Variants in WWOX observed in about 807,000 individuals in gnomAD.
The protein encoded by WWOX is WW domain containing oxidoreductase, also known as WW domain-containing oxidoreductase.
Under a neutral mutation model 46.2 loss-of-function variants are expected in WWOX, and 69 were observed. The observed-to-expected ratio is 1.49, with a 90% CI of 1.23 to 1.82. The LOEUF is 1.82. Among genes scored for constraint, WWOX ranks in the 40% most tolerant of loss-of-function variants. WWOX has a pLI of 0.00. For missense variants in WWOX, 919 were observed against 542.6 expected, an observed-to-expected ratio of 1.69 and a Z score of -6.89; for synonymous variants, 359 against 202.6, an observed-to-expected ratio of 1.77 and a Z score of -6.56.
chr16:78,461,510 A>G (rs2083948590), intron 8 of WWOX, among the ~76,000 whole-genome samples: 1 of 152,250 alleles, frequency 6.6e-6, no homozygotes, highest in South Asian at 2.1e-4. Context: ...TATGAAAGAA[A>G]TAAAGGCAAG....
chr16:78,527,756 C>A (rs2043512024), intron 8 of WWOX, among the ~76,000 whole-genome samples: 1 of 78,452 alleles, frequency 1.3e-5, no homozygotes, highest in Non-Finnish European at 3.0e-5. Context: ...ATATTGCCTG[C>A]CAGGGAATGC....
At chr16:78,586,000 C>G (rs149979253) in intron 8 of WWOX, among the ~76,000 whole-genome samples, 1 of 151,908 alleles carries the variant, frequency 6.6e-6, no homozygotes, top group African/African-American at 2.4e-5. Context: ...AGGTTAGAGA[C>G]CAGCCTGGGC....
At position 78,988,518 on chromosome 16, in the gene WWOX, G is replaced by A. The variant is rs575870541; in HGVS notation, c.1057-223090G>A. On this transcript the variant is annotated intron_variant, in intron 8 of 8. Coordinates refer to ENST00000566780, the MANE Select transcript of WWOX (RefSeq NM_016373.4). ...CTGTAACCTTTGGTTGAGGAATTCA[G>A]CCTACCACTGGTAATACTCCCTCTC... Among the ~76,000 whole-genome samples, 32 of 152,154 alleles carry A rather than the reference G, an allele frequency of 2.1e-4. No homozygotes were observed. The East Asian group carries it at 5.0e-3, about 24-fold the overall frequency.
Position 78,548,995 on chromosome 16 carries a change from A to G in WWOX, c.1056+116243A>G, listed in dbSNP as rs576350122. 2.6e-5 allele frequency among the ~76,000 whole-genome samples: 4 copies of G among 152,354 alleles called. No homozygotes were observed. In the East Asian group the frequency reaches 7.7e-4, roughly 29 times the overall value. On this transcript the variant is annotated intron_variant, in intron 8 of 8. Coordinates refer to ENST00000566780, the MANE Select transcript of WWOX (RefSeq NM_016373.4). ...CAACAGATGGATGGGTTGGTGTAATATAATTCATGCTTTTAAACATCATAC... is the reference window on the plus strand; with the variant it reads ...CAACAGATGGATGGGTTGGTGTAATGTAATTCATGCTTTTAAACATCATAC...
chr16:78,432,647 G>A lies in WWOX; in HGVS notation c.951G>A (p.Thr317=), dbSNP rs759801417. 42 of 1,614,114 alleles carry A rather than the reference G, an allele frequency of 2.6e-5. No homozygotes were observed. The highest frequency in any genetic ancestry group is 2.1e-4 in the African/African-American group (16 of 74,930). Residue 317 remains threonine (T), a synonymous_variant, in exon 8 of 9, where the codon ACG becomes ACA. Coordinates refer to ENST00000566780, the MANE Select transcript of WWOX (RefSeq NM_016373.4). The stretch of plus-strand genomic sequence containing the variant: ...GTCGCCTCTCCCCACGCGGGGTCAC[G>A]TCGAACGCAGTGCATCCTGGAAATA... The part of the protein sequence containing the change: ...LHRRLSPRGV[T]SNAVHPGNMM...
At chr16:78,874,097 T>TAA (rs113474946) in intron 8 of WWOX, among the ~76,000 whole-genome samples, 6 of 148,750 alleles carry the variant, frequency 4.0e-5, no homozygotes, top group East Asian at 4.0e-4. Context: ...TAAAATTATT[T>TAA]AAAAAAAAAA....
intron 8 of WWOX, among the ~76,000 whole-genome samples, chr16:78,784,190 C>T (rs1344461251): frequency 6.6e-6 from 1 of 152,146 alleles, no homozygotes; most frequent in African/African-American, 2.4e-5. Flanking sequence ...GCACATCATT[C>T]AATCACTCAA....
intron 8 of WWOX, among the ~76,000 whole-genome samples, chr16:78,466,186 C>T (rs1484964092): frequency 6.6e-6 from 1 of 152,100 alleles, no homozygotes; most frequent in Non-Finnish European, 1.5e-5. Flanking sequence ...TGCCCGCCAC[C>T]ATGCTTGGCT....
chr16:78,994,885 G>C (rs2046956259), intron 8 of WWOX, among the ~76,000 whole-genome samples: 2 of 151,410 alleles, frequency 1.3e-5, no homozygotes, highest in African/African-American at 4.9e-5. Context: ...GAAAAAGGTG[G>C]AAAGAAATAC....
intron 5 of WWOX, among the ~76,000 whole-genome samples, chr16:78,223,889 T>C (rs1347371067): frequency 6.6e-6 from 1 of 152,224 alleles, no homozygotes; most frequent in Non-Finnish European, 1.5e-5. Flanking sequence ...GGGGAAGTTG[T>C]CATTATTCCT....
intron 8 of WWOX, among the ~76,000 whole-genome samples, chr16:78,705,036 A>C (rs2048302879): frequency 6.6e-6 from 1 of 152,140 alleles, no homozygotes; most frequent in South Asian, 2.1e-4. Flanking sequence ...AGGTAAGGGC[A>C]AGGACCATGA....
intron 5 of WWOX, among the ~76,000 whole-genome samples, chr16:78,369,530 T>A (rs59274620): frequency 2.0e-5 from 3 of 152,106 alleles, no homozygotes; most frequent in Non-Finnish European, 4.4e-5. Context: ...GGCAGCTCAC[T>A]CGGCCTGCGC....
intron 8 of WWOX, among the ~76,000 whole-genome samples, chr16:78,600,035 G>T (rs2045584047): frequency 6.6e-6 from 1 of 152,166 alleles, no homozygotes; most frequent in Admixed American, 6.5e-5. Flanking sequence ...CACAACCATG[G>T]TGGAAGGCAA....
At chr16:78,574,042 A>C (rs1474753092) in intron 8 of WWOX, among the ~76,000 whole-genome samples, 1 of 152,140 alleles carries the variant, frequency 6.6e-6, no homozygotes, top group Admixed American at 6.5e-5. Flanking sequence ...TTACTAGCAG[A>C]CTTTATTTCC....
rs564888539 is a variant in WWOX at position 79,006,224 on chromosome 16, G to A, written c.1057-205384G>A. On this transcript the variant is annotated intron_variant, in intron 8 of 8. Transcript: ENST00000566780. ...GCAGGAAAGACTTCCCAGTCTTTAA[G>A]GATAAGTGGCATTTGATGAGTTGCA... Among the ~76,000 whole-genome samples the A allele has an allele frequency of 2.6e-5, 4 of 152,302 alleles. No individual in the cohort carries two copies. In the South Asian group the frequency reaches 6.2e-4, roughly 24 times the overall value.
At chr16:78,565,228 A>G (rs555398063) in intron 8 of WWOX, among the ~76,000 whole-genome samples, 1 of 152,228 alleles carries the variant, frequency 6.6e-6, no homozygotes, top group Non-Finnish European at 1.5e-5. Flanking sequence ...GTTATAAACA[A>G]ATTACCAAAA....
chr16:78,418,957 C>CA (rs1267164995), intron 6 of WWOX, among the ~76,000 whole-genome samples: 40 of 151,166 alleles, frequency 2.6e-4, no homozygotes, highest in South Asian at 6.3e-4. Context: ...GGGCAAAAAA[C>CA]AAAAAAGCAA....
At chr16:78,555,168 T>TTTAA in intron 8 of WWOX, among the ~76,000 whole-genome samples, 1 of 128,414 alleles carries the variant, frequency 7.8e-6, no homozygotes, top group Admixed American at 8.3e-5. Flanking sequence ...TATGATTTTG[T>TTTAA]AAAAAAAAAA....
chr16:78,567,114 G>C (rs141033348), intron 8 of WWOX, among the ~76,000 whole-genome samples: 1,960 of 152,284 alleles, frequency 0.013, 33 homozygotes, highest in Middle Eastern at 0.048. Context: ...CTGAGGTTCA[G>C]AATGACCCAG....
Sources: allele counts gnomAD v4.1 joint callset (sites outside exome capture counted in the v4.1 genomes callset), GRCh38; gene constraint gnomAD v4.1.1; transcripts MANE v1.5; gene names NCBI Gene and HGNC (gene_info 2026-07-23, HGNC 2026-07-21).